TP53INP1: variants seen among roughly 807,000 people sequenced by gnomAD.
The protein encoded by TP53INP1 is tumor protein p53-inducible nuclear protein 1.
In TP53INP1, 12 loss-of-function variants were observed where a neutral mutation model predicts 21.0. That is an observed-to-expected ratio of 0.57 (90% CI 0.37 to 0.93). TP53INP1 has a LOEUF of 0.93. TP53INP1 is among the 40% of genes least tolerant of loss of function. The probability of loss-of-function intolerance (pLI) is 0.01; values close to 1 mark genes in which losing one functional copy is unlikely to be tolerated. For synonymous variants in TP53INP1, 91 were observed against 94.8 expected (o/e 0.96, Z 0.23); for missense variants, 274 against 294.7 (o/e 0.93, Z 0.51).
intron 3 of TP53INP1, among the ~76,000 whole-genome samples, chr8:94,934,339 T>G (rs1210932159): frequency 1.3e-5 from 2 of 152,140 alleles, no homozygotes; most frequent in East Asian, 3.8e-4. Flanking sequence ...CACTGCAAAG[T>G]AAACATATAA....
chr8:94,942,798 A>C (rs1019623695), intron 1 of TP53INP1, among the ~76,000 whole-genome samples: 1 of 152,198 alleles, frequency 6.6e-6, no homozygotes, highest in African/African-American at 2.4e-5. Context: ...GGGCAAAGGA[A>C]CACTATGGAA....
At chr8:94,946,656 C>T (rs1822019459) in intron 1 of TP53INP1, among the ~76,000 whole-genome samples, 1 of 126,200 alleles carries the variant, frequency 7.9e-6, no homozygotes, top group African/African-American at 2.9e-5. Flanking sequence ...GTGATCCCAC[C>T]ACTACACTCC....
chr8:94,941,589 A>T (rs1345186363), intron 1 of TP53INP1, among the ~76,000 whole-genome samples: 1 of 152,226 alleles, frequency 6.6e-6, no homozygotes, highest in Non-Finnish European at 1.5e-5. Flanking sequence ...AAGCCCAGCA[A>T]GCATACTTTG....
At chr8:94,940,792 T>C (rs768954048) in intron 2 of TP53INP1, 38 bp downstream of exon 2, 5 of 1,488,436 alleles carry the variant, frequency 3.4e-6, no homozygotes, top group East Asian at 2.3e-5. Context: ...CCATTTTTAC[T>C]GTGAAGATGA....
rs2131292217 is a variant in TP53INP1 at position 94,926,588 on chromosome 8, CA to C, written c.*3890del. 6.6e-6 allele frequency: 1 copy of C among 152,242 alleles called. No individual in the cohort carries two copies. The highest frequency in any genetic ancestry group is 2.1e-4 in the South Asian group (1 of 4,818). 9.4% of individuals were successfully genotyped at this position (152,242 alleles called of 1,614,324 possible). ...ACAAATACTAAAACTTCAGGCAAAACAGAGCAAAACTGGACATTTAACAATT... is the reference window on the plus strand; with the variant it reads ...ACAAATACTAAAACTTCAGGCAAAACGAGCAAAACTGGACATTTAACAATT... On this transcript the variant is annotated 3_prime_UTR_variant, in exon 4 of 4. Transcript: ENST00000342697.
intron 3 of TP53INP1, among the ~76,000 whole-genome samples, chr8:94,936,398 A>C (rs999855879): frequency 6.6e-6 from 1 of 152,190 alleles, no homozygotes; most frequent in African/African-American, 2.4e-5. Context: ...GCTGGATTCC[A>C]CACTGCCAAT....
chr8:94,933,436 G>A (rs1820629795), intron 3 of TP53INP1, among the ~76,000 whole-genome samples: 1 of 152,140 alleles, frequency 6.6e-6, no homozygotes, highest in Admixed American at 6.5e-5. Flanking sequence ...GAAACAAAAT[G>A]GTGGAGATCA....
Position 94,929,843 on chromosome 8 carries a change from C to T in TP53INP1, c.*636G>A, listed in dbSNP as rs1034161895. 1.3e-5 allele frequency: 2 copies of T among 152,502 alleles called. No individual in the cohort carries two copies. The highest frequency in any genetic ancestry group is 1.3e-4 in the Admixed American group (2 of 15,310). The allele number at this position is 152,502 out of a possible 1,614,324, so 9.4% of individuals were successfully genotyped here. On this transcript the variant is annotated 3_prime_UTR_variant, in exon 4 of 4. Coordinates refer to ENST00000342697, the MANE Select transcript of TP53INP1 (RefSeq NM_033285.4). Reference sequence around the variant, plus strand: ...ACGTCATGCAGTCACATTGGAATTACTGCATGCACTCTTCACTAAAGCTTA... The same window carrying T: ...ACGTCATGCAGTCACATTGGAATTATTGCATGCACTCTTCACTAAAGCTTA...
At position 94,940,309 on chromosome 8, in the gene TP53INP1, C is replaced by A. The variant is rs554392224; in HGVS notation, c.113-89G>T. The A allele has an allele frequency of 2.0e-4, 287 of 1,439,260 alleles. No homozygotes were observed. The African/African-American group carries it at 3.5e-3, about 18-fold the overall frequency. 89.2% of individuals were successfully genotyped at this position (1,439,260 alleles called of 1,614,324 possible). A position where few individuals can be genotyped will look rare whatever the true frequency, so the allele number is the denominator to read the frequency against. ...TCACATTGGGCAGTCATTATAAAGT[C>A]ACCCATCAAATTCACAGCACAGAAA... is the stretch of plus-strand genomic sequence containing the variant. On this transcript the variant is annotated intron_variant, in intron 2 of 3. Transcript: ENST00000342697.
In TP53INP1 at chr8:94,929,946, C is replaced by G. The variant is rs1257261815; in HGVS notation, c.*533G>C. On this transcript the variant is annotated 3_prime_UTR_variant, in exon 4 of 4. Transcript: ENST00000342697. Reference sequence around the variant, plus strand: ...ACACAGAATACATCAAGTTTTCTTTCAAAAGAAAGTCCAGCCATAATTCCA... The same window carrying G: ...ACACAGAATACATCAAGTTTTCTTTGAAAAGAAAGTCCAGCCATAATTCCA... 1 of 153,276 alleles carries G rather than the reference C, an allele frequency of 6.5e-6. No individual in the cohort carries two copies. The highest frequency in any genetic ancestry group is 1.5e-5 in the Non-Finnish European group (1 of 68,728). 9.5% of individuals were successfully genotyped at this position (153,276 alleles called of 1,614,324 possible).
In TP53INP1 at chr8:94,937,313, C is replaced by T. The variant is rs561411652; in HGVS notation, c.473+2547G>A. ...AATATTACCCAGGTATGGTGGCGGG[C>T]GCCTGTAATCCCAGCTACTTGGGAG... On this transcript the variant is annotated intron_variant, in intron 3 of 3. Coordinates refer to ENST00000342697, the MANE Select transcript of TP53INP1 (RefSeq NM_033285.4). Among the ~76,000 whole-genome samples the T allele has an allele frequency of 5.3e-5, 8 of 151,866 alleles. No homozygotes were observed. The East Asian group carries it at 5.8e-4, about 11-fold the overall frequency.
chr8:94,940,093 A>G lies in TP53INP1; in HGVS notation c.240T>C (p.Ser80=). 3.7e-6 allele frequency: 6 copies of G among 1,614,240 alleles called. No homozygotes were observed. The highest frequency in any genetic ancestry group is 5.1e-6 in the Non-Finnish European group (6 of 1,180,040). The change falls in exon 3 of 4, where the codon AGT becomes AGC. Residue 80 remains serine (S), a synonymous_variant. Transcript: ENST00000342697. ...ACTCAAACTGGAGAAAGCAGGAATC[A>G]CTTGTATCAGCCAAGCACTCAAGAG... ...PASLECLADT[S]DSCFLQFESC... is the part of the protein sequence containing the mutation.
At chr8:94,936,081 A>G (rs1820947182) in intron 3 of TP53INP1, among the ~76,000 whole-genome samples, 1 of 152,240 alleles carries the variant, frequency 6.6e-6, no homozygotes, top group Admixed American at 6.5e-5. Flanking sequence ...AACACCTCTC[A>G]GTAACAACTA....
At position 94,927,160 on chromosome 8, in the gene TP53INP1, G is replaced by A. The variant is rs907257209; in HGVS notation, c.*3319C>T. 1.3e-5 allele frequency: 2 copies of A among 152,584 alleles called. No homozygotes were observed. Among genetic ancestry groups the A allele is most frequent in the African/African-American group, 2.4e-5 (1 of 41,450 alleles). 9.5% of individuals were successfully genotyped at this position (152,584 alleles called of 1,614,324 possible). On this transcript the variant is annotated 3_prime_UTR_variant, in exon 4 of 4. Transcript: ENST00000342697. ...CTAATCTATTTAAATGTAAATATCTGTCTTCTAGTTGGAGTCCTTCATGTT... is the reference window on the plus strand; with the variant it reads ...CTAATCTATTTAAATGTAAATATCTATCTTCTAGTTGGAGTCCTTCATGTT...
chr8:94,940,802 AACC>A (rs1381025809), intron 2 of TP53INP1, 25 bp downstream of exon 2: 1 of 1,545,014 alleles, frequency 6.5e-7, no homozygotes, highest in Non-Finnish European at 8.9e-7. Context: ...TGTGAAGATG[AACC>A]ACCAAGTAAC....
rs1451912728 is a variant in TP53INP1 at position 94,926,360 on chromosome 8, C to T, written c.*4119G>A. The stretch of plus-strand genomic sequence containing the variant: ...CTCTTCAGTCTCCCTAACTCATGCC[C>T]TGCCCCTATAAAGGAAATATGTTCA... On this transcript the variant is annotated 3_prime_UTR_variant, in exon 4 of 4. Coordinates refer to ENST00000342697, the MANE Select transcript of TP53INP1 (RefSeq NM_033285.4). 1 of 151,904 alleles carries T rather than the reference C, an allele frequency of 6.6e-6. No homozygotes were observed. Among genetic ancestry groups the T allele is most frequent in the Admixed American group, 6.6e-5 (1 of 15,208 alleles). 9.4% of individuals were successfully genotyped at this position (151,904 alleles called of 1,614,324 possible).
At chr8:94,946,696 CAAAAAAAAAAA>C (rs71273438) in intron 1 of TP53INP1, among the ~76,000 whole-genome samples, 6 of 34,696 alleles carry the variant, frequency 1.7e-4, no homozygotes, top group South Asian at 4.6e-3. Flanking sequence ...GACCCTGTCT[CAAAAAAAAAAA>C]AAAAAAAAAA....
In TP53INP1 at chr8:94,930,595, GCTGT is replaced by G. The variant is rs768515431; in HGVS notation, c.603_606del (p.Arg201SerfsTer64). ...CGACGAAGGCTATTTCTGTTAAGAG[GCTGT>G]CTTTCACTGTGTTCTTTTATCCACT... On this transcript the variant is annotated frameshift_variant, in exon 4 of 4. Coordinates refer to ENST00000342697, the MANE Select transcript of TP53INP1 (RefSeq NM_033285.4). LOFTEE classifies it high-confidence loss of function. 5 of 1,614,210 alleles carry G rather than the reference GCTGT, an allele frequency of 3.1e-6. No homozygotes were observed. In the Admixed American group the frequency reaches 6.7e-5, roughly 22 times the overall value.
Position 94,930,282 on chromosome 8 carries a change from GTAAA to G in TP53INP1, c.*193_*196del. ...TAATCTGAAAAAGTGTACAAAAAAA[GTAAA>G]TGTTAAAGGCAAGGCATTATGTGAT... On this transcript the variant is annotated 3_prime_UTR_variant, in exon 4 of 4. Transcript: ENST00000342697. 2 of 658,236 alleles carry G rather than the reference GTAAA, an allele frequency of 3.0e-6. No individual in the cohort carries two copies. The highest frequency in any genetic ancestry group is 4.9e-6 in the Non-Finnish European group (2 of 408,536). 40.8% of individuals were successfully genotyped at this position (658,236 alleles called of 1,614,324 possible).
Sources: gnomAD v4.1 joint callset for allele counts (sites outside exome capture counted in the v4.1 genomes callset) on GRCh38, gnomAD v4.1.1 for gene constraint, MANE v1.5 for transcripts, NCBI Gene and HGNC (gene_info 2026-07-23, HGNC 2026-07-21) for gene names.